ZSCAN23: variants seen among roughly 807,000 people sequenced by gnomAD.
ZSCAN23 encodes the protein zinc finger and SCAN domain-containing protein 23.
Under a neutral mutation model 19.3 loss-of-function variants are expected in ZSCAN23, and 19 were observed. The observed-to-expected ratio is 0.99, with a 90% CI of 0.69 to 1.45. The LOEUF is 1.45. ZSCAN23 is among the 40% of genes most tolerant of loss of function. ZSCAN23 has a pLI of 0.00. For missense variants in ZSCAN23, 372 were observed against 462.5 expected, an observed-to-expected ratio of 0.80 and a Z score of 1.79; for synonymous variants, 140 against 166.2, an observed-to-expected ratio of 0.84 and a Z score of 1.21.
At chr6:28,431,960 T>C (rs1253754952), downstream of ZSCAN23, 3 of 152,200 alleles carry the variant, frequency 2.0e-5, no homozygotes, top group Non-Finnish European at 4.4e-5. Flanking sequence ...TTTATGTTCT[T>C]ATATTTTGTT....
Position 28,435,421 on chromosome 6 carries a change from G to T in ZSCAN23, c.556+39C>A, listed in dbSNP as rs1761858218. 4 of 1,542,406 alleles carry T rather than the reference G, an allele frequency of 2.6e-6. No homozygotes were observed. The South Asian group carries it at 3.6e-5, about 14-fold the overall frequency. Reference sequence around the variant, plus strand: ...ATGGGTTGAATTGATAAATATTCAGGGAATGAGGTAGGCTGTCTGAGGAAA... The same window carrying T: ...ATGGGTTGAATTGATAAATATTCAGTGAATGAGGTAGGCTGTCTGAGGAAA... On this transcript the variant is annotated intron_variant, in intron 3 of 3. Transcript: ENST00000289788.
rs764058314 is a variant in ZSCAN23 at position 28,435,487 on chromosome 6, G to A, written c.529C>T (p.Arg177Ter). ...ATCTCTTGAACTGGGCACACCTCTCGCAAATTATACCCAAGTTGCTCTTCC... is the reference window on the plus strand; with the variant it reads ...ATCTCTTGAACTGGGCACACCTCTCACAAATTATACCCAAGTTGCTCTTCC... ...TLEEQLGYNL[R>*]EVCPVQEIDG... Residue 177 changes from arginine (R) to a stop codon, truncating the protein, a stop_gained, in exon 3 of 4, where the codon CGA becomes TGA. Coordinates refer to ENST00000289788, the MANE Select transcript of ZSCAN23 (RefSeq NM_001012455.2). LOFTEE classifies it low-confidence loss of function (END_TRUNC). 8 of 1,551,800 alleles carry A rather than the reference G, an allele frequency of 5.2e-6. No homozygotes were observed. Among genetic ancestry groups the A allele is most frequent in the Non-Finnish European group, 6.1e-6 (7 of 1,147,066 alleles).
chr6:28,437,584 A>C (rs1382460280), intron 1 of ZSCAN23, among the ~76,000 whole-genome samples: 2 of 152,132 alleles, frequency 1.3e-5, no homozygotes, highest in African/African-American at 4.8e-5. Flanking sequence ...CTCTGTCTCA[A>C]AAAAACAAAA....
the ZSCAN23 span, among the ~76,000 whole-genome samples, chr6:28,425,611 C>T: frequency 2.0e-5 from 3 of 152,032 alleles, no homozygotes; most frequent in Non-Finnish European, 4.4e-5. Flanking sequence ...TACAGCATGC[C>T]CAGCCAGCAT....
downstream of ZSCAN23, among the ~76,000 whole-genome samples, chr6:28,428,814 A>C (rs1171053431): frequency 2.0e-5 from 3 of 152,212 alleles, no homozygotes; most frequent in Admixed American, 2.0e-4. Flanking sequence ...TAGGAGTACC[A>C]CCAGCATACT....
chr6:28,428,026 A>T (rs1243173066), downstream of ZSCAN23, among the ~76,000 whole-genome samples: 3 of 152,198 alleles, frequency 2.0e-5, no homozygotes, highest in Non-Finnish European at 4.4e-5. Flanking sequence ...TGGTGAGCTG[A>T]GGTTGAGCCA....
downstream of ZSCAN23, among the ~76,000 whole-genome samples, chr6:28,429,542 G>A (rs1761717086): frequency 6.6e-6 from 1 of 152,178 alleles, no homozygotes; most frequent in Admixed American, 6.5e-5. Flanking sequence ...GTATACGGAA[G>A]CCAGCTTTTG....
At chr6:28,435,194 C>A in intron 3 of ZSCAN23, 116 bp from the exon 4 acceptor site, 1 of 1,241,200 alleles carries the variant, frequency 8.1e-7, no homozygotes. Context: ...CAAGTAGCCA[C>A]TTTTTCTGTT....
intron 1 of ZSCAN23, among the ~76,000 whole-genome samples, chr6:28,436,576 C>T (rs719370): frequency 0.045 from 6,829 of 152,082 alleles, 340 homozygotes; most frequent in African/African-American, 0.12. Flanking sequence ...TCATCCTGAC[C>T]GAAACAGCTC....
intron 1 of ZSCAN23, among the ~76,000 whole-genome samples, chr6:28,438,761 G>A (rs978365531): frequency 3.3e-5 from 5 of 152,148 alleles, no homozygotes; most frequent in Non-Finnish European, 7.4e-5. Context: ...TCCCTCCCAC[G>A]ACACATGGGG....
At chr6:28,430,041 G>A (rs1761729216), downstream of ZSCAN23, among the ~76,000 whole-genome samples, 1 of 152,216 alleles carries the variant, frequency 6.6e-6, no homozygotes, top group Non-Finnish European at 1.5e-5. Flanking sequence ...GCCTCAAAAA[G>A]GCTGAGGCCG....
chr6:28,435,837 C>T, intron 2 of ZSCAN23, 22 bp downstream of exon 2: 1 of 1,545,902 alleles, frequency 6.5e-7, no homozygotes, highest in African/African-American at 1.4e-5. Flanking sequence ...AGGTACAAAT[C>T]CCTGTTCTCC....
downstream of ZSCAN23, among the ~76,000 whole-genome samples, chr6:28,427,084 C>T (rs182796353): frequency 2.7e-3 from 409 of 152,276 alleles, 1 homozygote; most frequent in South Asian, 5.4e-3. Context: ...TGAGCCACCG[C>T]GCCTGGCCCA....
At chr6:28,441,415 C>T (rs1404162876) in intron 1 of ZSCAN23, among the ~76,000 whole-genome samples, 4 of 152,280 alleles carry the variant, frequency 2.6e-5, no homozygotes, top group African/African-American at 9.6e-5. Context: ...TCTAATCAGG[C>T]GTTTCTCATC....
the ZSCAN23 span, among the ~76,000 whole-genome samples, chr6:28,421,418 A>G: frequency 6.6e-6 from 1 of 152,182 alleles, no homozygotes; most frequent in African/African-American, 2.4e-5. Context: ...TAACTATTCC[A>G]GCTTTATTAA....
chr6:28,434,431 G>T lies in ZSCAN23; in HGVS notation c.*34C>A. The T allele has an allele frequency of 6.7e-7, 1 of 1,492,212 alleles. No individual in the cohort carries two copies. The highest frequency in any genetic ancestry group is 1.4e-5 in the South Asian group (1 of 74,064). The allele number at this position is 1,492,212 out of a possible 1,614,324, so 92.4% of individuals were successfully genotyped here. On this transcript the variant is annotated 3_prime_UTR_variant, in exon 4 of 4. Coordinates refer to ENST00000289788, the MANE Select transcript of ZSCAN23 (RefSeq NM_001012455.2). ...TGCTAGAGGACACAGCAGGGACAAA[G>T]TAAGAAATATTATCCCCTACCTGTT...
Position 28,434,495 on chromosome 6 carries a change from C to G in ZSCAN23, c.1140G>C (p.Arg380=), listed in dbSNP as rs1021750151. The change falls in exon 4 of 4, where the codon CGG becomes CGC. Residue 380 remains arginine (R), a synonymous_variant. Transcript: ENST00000289788. ...TTGATTCAGCCACTGGGTGGACTTTCCGATGCTGGATTAGGTTGCAATGGT... is the reference window on the plus strand; with the variant it reads ...TTGATTCAGCCACTGGGTGGACTTTGCGATGCTGGATTAGGTTGCAATGGT... The part of the protein sequence containing the change: ...FIYHCNLIQH[R]KVHPVAESS 36 of 1,548,610 alleles carry G rather than the reference C, an allele frequency of 2.3e-5. No individual in the cohort carries two copies. Among genetic ancestry groups the G allele is most frequent in the Non-Finnish European group, 3.0e-5 (34 of 1,144,852 alleles).
At chr6:28,439,495 A>C (rs1176971599) in intron 1 of ZSCAN23, among the ~76,000 whole-genome samples, 2 of 152,168 alleles carry the variant, frequency 1.3e-5, no homozygotes, top group Non-Finnish European at 2.9e-5. Flanking sequence ...ATTTATTCAG[A>C]GCCTACCAGC....
chr6:28,437,615 G>A (rs986539489), intron 1 of ZSCAN23, among the ~76,000 whole-genome samples: 2 of 151,862 alleles, frequency 1.3e-5, no homozygotes, highest in African/African-American at 4.8e-5. Context: ...ACAAACTTAT[G>A]AGCAATCTTT....
Sources: allele counts gnomAD v4.1 joint callset (sites outside exome capture counted in the v4.1 genomes callset), GRCh38; gene constraint gnomAD v4.1.1; transcripts MANE v1.5; gene names NCBI Gene and HGNC (gene_info 2026-07-23, HGNC 2026-07-21).